GPC5: variants seen among roughly 807,000 people sequenced by gnomAD.
GPC5 encodes the protein glypican-5.
A neutral mutation model predicts 53.9 loss-of-function variants in GPC5; 47 were observed. That is an observed-to-expected ratio of 0.87 (90% CI 0.69 to 1.11). GPC5 has a LOEUF of 1.11. Ranked by LOEUF, GPC5 falls within the 50% of genes most tolerant of loss-of-function variation. The pLI, the probability that GPC5 is intolerant of heterozygous loss-of-function variation, is 0.00. For missense variants in GPC5, 748 were observed against 713.1 expected, an observed-to-expected ratio of 1.05 and a Z score of -0.56; for synonymous variants, 286 against 263.3, an observed-to-expected ratio of 1.09 and a Z score of -0.84.
intron 6 of GPC5, among the ~76,000 whole-genome samples, chr13:92,111,633 G>A (rs1412723036): frequency 6.6e-6 from 1 of 151,572 alleles, no homozygotes; most frequent in Non-Finnish European, 1.5e-5. Context: ...GCTATAGCAA[G>A]GTGCTACACA....
intron 6 of GPC5, among the ~76,000 whole-genome samples, chr13:92,001,564 A>G (rs1366082403): frequency 6.6e-6 from 1 of 152,178 alleles, no homozygotes; most frequent in African/African-American, 2.4e-5. Context: ...TAGTACTGGA[A>G]TGCTGAGGGA....
chr13:92,586,184 TC>T (rs1883532758), intron 7 of GPC5, among the ~76,000 whole-genome samples: 1 of 152,202 alleles, frequency 6.6e-6, no homozygotes, highest in Non-Finnish European at 1.5e-5. Context: ...CCAAATATTT[TC>T]CAGTGTGTTC....
At chr13:92,222,511 A>T (rs1263970632) in intron 7 of GPC5, among the ~76,000 whole-genome samples, 1 of 152,162 alleles carries the variant, frequency 6.6e-6, no homozygotes, top group Non-Finnish European at 1.5e-5. Context: ...TTAGAGGAAA[A>T]CTAAGAAGTG....
intron 2 of GPC5, among the ~76,000 whole-genome samples, chr13:91,525,272 A>G (rs572566234): frequency 4.6e-5 from 7 of 152,366 alleles, no homozygotes; most frequent in Admixed American, 4.6e-4. Context: ...TTAATAAATT[A>G]TGTAATCAAT....
chr13:91,807,511 T>G (rs949539303), intron 5 of GPC5, among the ~76,000 whole-genome samples: 2 of 152,166 alleles, frequency 1.3e-5, no homozygotes, highest in Non-Finnish European at 2.9e-5. Context: ...AAAAATAACT[T>G]GAGAAGTGAG....
At chr13:91,781,622 A>T (rs1349292634) in intron 5 of GPC5, among the ~76,000 whole-genome samples, 1 of 152,194 alleles carries the variant, frequency 6.6e-6, no homozygotes. Flanking sequence ...ACCTTTGCCT[A>T]AATTAGTTCA....
intron 2 of GPC5, among the ~76,000 whole-genome samples, chr13:91,674,240 G>C (rs974807051): frequency 1.6e-4 from 25 of 152,016 alleles, no homozygotes; most frequent in Admixed American, 4.6e-4. Context: ...CTTTGAAGGC[G>C]TTTCTAAATG....
chr13:92,100,517 AAAAATT>A (rs2041457755), intron 6 of GPC5, among the ~76,000 whole-genome samples: 1 of 152,200 alleles, frequency 6.6e-6, no homozygotes, highest in African/African-American at 2.4e-5. Context: ...AATCGAAACT[AAAAATT>A]AAAACTACAA....
chr13:91,663,262 T>C (rs561348224), intron 2 of GPC5, among the ~76,000 whole-genome samples: 76 of 152,336 alleles, frequency 5.0e-4, no homozygotes, highest in Non-Finnish European at 1.0e-3. Context: ...TAGTTCTCAT[T>C]ATTTCAGTTT....
intron 7 of GPC5, among the ~76,000 whole-genome samples, chr13:92,775,798 C>T (rs992970845): frequency 2.0e-5 from 3 of 152,332 alleles, no homozygotes; most frequent in Admixed American, 6.5e-5. Context: ...GCTTTAAAAA[C>T]ATTCATTGAC....
intron 2 of GPC5, among the ~76,000 whole-genome samples, chr13:91,633,252 G>A (rs994960756): frequency 6.6e-6 from 1 of 152,068 alleles, no homozygotes; most frequent in Non-Finnish European, 1.5e-5. Context: ...ATTTTCAGTT[G>A]CCAGTATACA....
chr13:92,235,891 G>T (rs1304403364), intron 7 of GPC5, among the ~76,000 whole-genome samples: 1 of 151,536 alleles, frequency 6.6e-6, no homozygotes, highest in African/African-American at 2.4e-5. Flanking sequence ...ATTTTTAGTT[G>T]TGCTTGAAAC....
chr13:92,053,396 C>A (rs188892800), intron 6 of GPC5, among the ~76,000 whole-genome samples: 35 of 152,284 alleles, frequency 2.3e-4, no homozygotes, highest in Admixed American at 1.3e-3. Context: ...AGGGTCTGAG[C>A]ACAAACGTTT....
chr13:91,426,306 G>A (rs2139004334), intron 1 of GPC5, among the ~76,000 whole-genome samples: 1 of 152,204 alleles, frequency 6.6e-6, no homozygotes, highest in Non-Finnish European at 1.5e-5. Context: ...TTAGTGGGTA[G>A]GGCCCAGGGC....
At chr13:91,915,167 G>C (rs1348208431) in intron 6 of GPC5, among the ~76,000 whole-genome samples, 1 of 152,184 alleles carries the variant, frequency 6.6e-6, no homozygotes, top group South Asian at 2.1e-4. Flanking sequence ...TAGCAATGCA[G>C]TAGTGATCAA....
intron 6 of GPC5, among the ~76,000 whole-genome samples, chr13:92,038,929 T>A (rs1465856647): frequency 6.6e-6 from 1 of 152,124 alleles, no homozygotes; most frequent in African/African-American, 2.4e-5. Context: ...AGAAAAACCA[T>A]GTGTGTGTGT....
chr13:91,408,242 T>C (rs944322238), intron 1 of GPC5, among the ~76,000 whole-genome samples: 2 of 152,128 alleles, frequency 1.3e-5, no homozygotes, highest in African/African-American at 2.4e-5. Context: ...CTCCTGATAA[T>C]CACCATTCTC....
chr13:92,369,350 A>G (rs2043632023), intron 7 of GPC5, among the ~76,000 whole-genome samples: 1 of 151,786 alleles, frequency 6.6e-6, no homozygotes, highest in African/African-American at 2.4e-5. Context: ...TGCCTGGCTA[A>G]TTTTTTTTGT....
intron 7 of GPC5, among the ~76,000 whole-genome samples, chr13:92,618,939 T>G (rs978761883): frequency 7.2e-5 from 11 of 151,978 alleles, no homozygotes; most frequent in African/African-American, 2.7e-4. Flanking sequence ...CTATATTGAC[T>G]CACATGTTCA....
Sources: gnomAD v4.1 joint callset for allele counts (sites outside exome capture counted in the v4.1 genomes callset) on GRCh38, gnomAD v4.1.1 for gene constraint, MANE v1.5 for transcripts, NCBI Gene and HGNC (gene_info 2026-07-23, HGNC 2026-07-21) for gene names.